The following BCL7B variants were observed in gnomAD, a reference collection of about 807,000 sequenced individuals.
BCL7B encodes the protein BAF chromatin remodeling complex subunit BCL7B.
BCL7B carries 11 observed loss-of-function variants against 26.5 expected under a neutral mutation model. The observed-to-expected ratio is 0.42, with a 90% CI of 0.26 to 0.69. The LOEUF is 0.69. BCL7B is among the 30% of genes least tolerant of loss of function. The pLI is 0.28. For synonymous variants in BCL7B, 111 were observed against 107.9 expected (o/e 1.03, Z -0.18); for missense variants, 215 against 264.4 (o/e 0.81, Z 1.30).
chr7:73,538,588 A>T (rs1791629328), intron 4 of BCL7B, among the ~76,000 whole-genome samples: 1 of 151,986 alleles, frequency 6.6e-6, no homozygotes, highest in Non-Finnish European at 1.5e-5. Flanking sequence ...CTGAGGTGGG[A>T]GGATCACTTG....
intron 2 of BCL7B, among the ~76,000 whole-genome samples, chr7:73,545,676 T>C (rs957439825): frequency 7.9e-5 from 12 of 152,124 alleles, no homozygotes; most frequent in African/African-American, 2.9e-4. Context: ...ATCAACTCCA[T>C]GAGTTTGGCA....
chr7:73,554,351 AC>A (rs1792284749), intron 1 of BCL7B, among the ~76,000 whole-genome samples: 1 of 152,110 alleles, frequency 6.6e-6, no homozygotes, highest in Non-Finnish European at 1.5e-5. Context: ...CTTAAGAGGT[AC>A]TTGCTGTCAG....
intron 2 of BCL7B, among the ~76,000 whole-genome samples, chr7:73,546,020 T>C (rs886628828): frequency 6.6e-6 from 1 of 150,734 alleles, no homozygotes; most frequent in South Asian, 2.1e-4. Context: ...TAGTCCCAGC[T>C]ACTTGGGAGG....
At chr7:73,557,255 C>G in intron 1 of BCL7B, 2 of 1,112,482 alleles carry the variant, frequency 1.8e-6, no homozygotes, top group Non-Finnish European at 1.1e-6. Context: ...AGGCGGCGCG[C>G]GGCAGCAGCC....
intron 3 of BCL7B, among the ~76,000 whole-genome samples, chr7:73,542,072 G>A (rs978164565): frequency 6.6e-6 from 1 of 152,212 alleles, no homozygotes; most frequent in Admixed American, 6.5e-5. Context: ...ACTCTCCTGT[G>A]ATAGCCTGTG....
chr7:73,541,590 CTT>C (rs1221473252), intron 3 of BCL7B, among the ~76,000 whole-genome samples: 1 of 151,854 alleles, frequency 6.6e-6, no homozygotes, highest in Non-Finnish European at 1.5e-5. Context: ...GCCTCAGCCT[CTT>C]GAGTAGCTGG....
chr7:73,552,035 G>A (rs955012235), intron 2 of BCL7B, 132 bp downstream of exon 2: 3 of 666,346 alleles, frequency 4.5e-6, no homozygotes. Context: ...GGAGGTTGCA[G>A]TGAGCCAAGA....
chr7:73,546,995 CT>C (rs532669757), intron 2 of BCL7B, among the ~76,000 whole-genome samples: 44 of 151,664 alleles, frequency 2.9e-4, no homozygotes, highest in African/African-American at 1.1e-3. Context: ...GAAACCCCAT[CT>C]CTACTAAAAA....
chr7:73,537,437 AG>A, intron 5 of BCL7B, 47 bp from the exon 6 acceptor site: 1 of 1,464,006 alleles, frequency 6.8e-7, no homozygotes, highest in Non-Finnish European at 9.6e-7. Flanking sequence ...CCTCCCAACC[AG>A]AACCTTCCCA....
chr7:73,553,244 C>A (rs1467496600), intron 1 of BCL7B, among the ~76,000 whole-genome samples: 1 of 152,048 alleles, frequency 6.6e-6, no homozygotes, highest in Admixed American at 6.6e-5. Context: ...CCACACCTGG[C>A]CTCCTGTGTC....
In BCL7B at chr7:73,557,544, C is replaced by T; in HGVS notation, c.35G>A (p.Ser12Asn). Residue 12 changes from serine to asparagine, a missense_variant, in exon 1 of 6, where the codon AGC (serine) becomes AAC (asparagine). Transcript: ENST00000223368. ...SGRSVRAETRSRAKDDIKKVM... is the reference protein window; with the variant it reads ...SGRSVRAETRNRAKDDIKKVM... ...CTTCTTGATGTCGTCCTTGGCCCGG[C>T]TGCGGGTCTCCGCCCGGACCGACCG... The T allele has an allele frequency of 7.0e-7, 1 of 1,434,048 alleles. No homozygotes were observed. The highest frequency in any genetic ancestry group is 1.4e-5 in the South Asian group (1 of 69,802). 88.8% of individuals were successfully genotyped at this position (1,434,048 alleles called of 1,614,324 possible).
chr7:73,537,270 G>A lies in BCL7B; in HGVS notation c.*28C>T, dbSNP rs781978459. On this transcript the variant is annotated 3_prime_UTR_variant, in exon 6 of 6. Transcript: ENST00000223368. ...ACCAGAATGCAATAAATAGAGGCAG[G>A]GCCAGGAGGCGGAGGGCCGGGATGG... The A allele has an allele frequency of 1.9e-6, 3 of 1,610,538 alleles. No individual in the cohort carries two copies. Among genetic ancestry groups the A allele is most frequent in the South Asian group, 1.1e-5 (1 of 90,952 alleles).
intron 1 of BCL7B, 63 bp from the exon 2 acceptor site, chr7:73,552,305 G>A (rs530639929): frequency 1.5e-6 from 2 of 1,355,274 alleles, no homozygotes; most frequent in South Asian, 2.4e-5. Context: ...TTCATCACTT[G>A]TGTTTTTCTA....
intron 2 of BCL7B, among the ~76,000 whole-genome samples, chr7:73,548,421 C>CT (rs1472080884): frequency 6.6e-6 from 1 of 151,910 alleles, no homozygotes; most frequent in African/African-American, 2.4e-5. Context: ...GAGTGAGACT[C>CT]TGTCTCGAAA....
chr7:73,543,943 C>G (rs1242174929), intron 2 of BCL7B: 1 of 220,128 alleles, frequency 4.5e-6, no homozygotes, highest in Non-Finnish European at 9.1e-6. Flanking sequence ...TCAAATTGCG[C>G]CAGGCAACCC....
intron 1 of BCL7B, among the ~76,000 whole-genome samples, chr7:73,556,306 T>G (rs1446783780): frequency 6.6e-6 from 1 of 152,048 alleles, no homozygotes; most frequent in Non-Finnish European, 1.5e-5. Context: ...TGGGAGGAGT[T>G]AAGGAAAGCT....
intron 2 of BCL7B, 68 bp from the exon 3 acceptor site, chr7:73,543,712 C>G (rs1332003444): frequency 3.2e-6 from 4 of 1,234,332 alleles, no homozygotes; most frequent in Non-Finnish European, 4.7e-6. Context: ...GAGGAGGGTG[C>G]TATGTGACAG....
At chr7:73,538,840 AAAAG>A (rs1391865124) in intron 4 of BCL7B, among the ~76,000 whole-genome samples, 71 of 149,538 alleles carry the variant, frequency 4.7e-4, no homozygotes, top group Non-Finnish European at 9.1e-4. Flanking sequence ...AAAAAAAAAG[AAAAG>A]AAAAAAATTT....
intron 4 of BCL7B, 69 bp downstream of exon 4, chr7:73,539,813 G>A (rs1045237837): frequency 7.7e-6 from 12 of 1,566,720 alleles, no homozygotes; most frequent in Non-Finnish European, 1.0e-5. Flanking sequence ...TTACTCTAAA[G>A]ACGAGACACA....
Sources: allele counts gnomAD v4.1 joint callset (sites outside exome capture counted in the v4.1 genomes callset), GRCh38; gene constraint gnomAD v4.1.1; transcripts MANE v1.5; gene names NCBI Gene and HGNC (gene_info 2026-07-23, HGNC 2026-07-21).